Variants in FREM2 observed in about 807,000 individuals in gnomAD.
FREM2 encodes FRAS1 related extracellular matrix 2, also known as FRAS1-related extracellular matrix protein 2.
Under a neutral mutation model 219.9 loss-of-function variants are expected in FREM2, and 119 were observed. The ratio of observed to expected loss-of-function variants is 0.54; its 90% CI spans 0.47 to 0.63. The LOEUF (loss-of-function observed/expected upper bound fraction) is 0.63, where lower values mean the gene tolerates loss of function less well. Ranked by LOEUF, FREM2 falls within the 30% of genes least tolerant of loss-of-function variation. The pLI is 0.00. For missense variants in FREM2, 4,030 were observed against 3,993.6 expected (o/e 1.01, Z -0.25); for synonymous variants, 1,562 against 1,522.8 (o/e 1.03, Z -0.60).
chr13:38,821,455 G>T (rs1004214513), intron 6 of FREM2, among the ~76,000 whole-genome samples: 3 of 151,994 alleles, frequency 2.0e-5, no homozygotes, highest in Non-Finnish European at 2.9e-5. Flanking sequence ...AACTAAAAAT[G>T]CCTTCTTTCT....
intron 6 of FREM2, chr13:38,821,576 T>A (rs1876058191): frequency 6.6e-6 from 1 of 152,126 alleles, no homozygotes; most frequent in Non-Finnish European, 1.5e-5. Flanking sequence ...GAAACAGGTC[T>A]TTTTTCTGTC....
chr13:38,779,251 G>T (rs1300830632), intron 4 of FREM2, among the ~76,000 whole-genome samples: 1 of 151,946 alleles, frequency 6.6e-6, no homozygotes, highest in Admixed American at 6.6e-5. Flanking sequence ...AGGGGAGGGA[G>T]AGCATTAGGA....
At chr13:38,813,484 C>G (rs1277663375) in intron 6 of FREM2, among the ~76,000 whole-genome samples, 2 of 12,628 alleles carry the variant, frequency 1.6e-4, no homozygotes, top group African/African-American at 2.7e-4. Context: ...CTCTCTCTCT[C>G]TCTCTCTCTC....
At position 38,839,303 on chromosome 13, in the gene FREM2, C is replaced by T. The variant is rs561091944; in HGVS notation, c.6020-7270C>T. On this transcript the variant is annotated intron_variant, in intron 6 of 23. Transcript: ENST00000280481. The stretch of plus-strand genomic sequence containing the variant: ...ATCACCAGCAGAGGCTGCAGAACAG[C>T]GAAGATTGCTGCCTGCTCCTTCCTC... 6.6e-5 allele frequency among the ~76,000 whole-genome samples: 10 copies of T among 152,294 alleles called. No homozygotes were observed. The East Asian group carries it at 1.2e-3, about 18-fold the overall frequency.
At chr13:38,813,921 G>C (rs919990460) in intron 6 of FREM2, among the ~76,000 whole-genome samples, 3 of 151,620 alleles carry the variant, frequency 2.0e-5, no homozygotes, top group African/African-American at 7.3e-5. Context: ...GTATTTTCAA[G>C]TTGCCTATCT....
chr13:38,785,763 C>A (rs2137832920), intron 6 of FREM2, among the ~76,000 whole-genome samples: 1 of 152,172 alleles, frequency 6.6e-6, no homozygotes. Context: ...TTTAAAAAGA[C>A]CTTTGCATAG....
chr13:38,853,824 T>A (rs1442446452), intron 11 of FREM2, among the ~76,000 whole-genome samples: 14 of 152,158 alleles, frequency 9.2e-5, no homozygotes, highest in Admixed American at 9.2e-4. Flanking sequence ...AATGAGCAGA[T>A]TTTACATGAA....
intron 6 of FREM2, among the ~76,000 whole-genome samples, chr13:38,811,203 C>CT (rs1270841102): frequency 6.6e-6 from 1 of 151,822 alleles, no homozygotes; most frequent in South Asian, 2.1e-4. Flanking sequence ...GATCTTCTCT[C>CT]TTTTTTTCTT....
At chr13:38,722,262 G>A (rs1052631391) in intron 2 of FREM2, among the ~76,000 whole-genome samples, 1 of 152,042 alleles carries the variant, frequency 6.6e-6, no homozygotes, top group African/African-American at 2.4e-5. Flanking sequence ...GGTTCCCTCT[G>A]TTGCCCAGGC....
chr13:38,762,166 G>T (rs767234139), intron 2 of FREM2, among the ~76,000 whole-genome samples: 1 of 152,076 alleles, frequency 6.6e-6, no homozygotes, highest in Non-Finnish European at 1.5e-5. Context: ...GAAATCACAG[G>T]CGCTAATTAG....
At chr13:38,841,930 G>T (rs1318238474) in intron 6 of FREM2, among the ~76,000 whole-genome samples, 1 of 152,184 alleles carries the variant, frequency 6.6e-6, no homozygotes, top group Non-Finnish European at 1.5e-5. Context: ...AGACAATGGG[G>T]GACATACGCA....
chr13:38,769,882 CT>C, intron 4 of FREM2, 74 bp downstream of exon 4: 1 of 1,063,970 alleles, frequency 9.4e-7, no homozygotes. Context: ...AGGGGTATAG[CT>C]TACAGTTTTA....
intron 2 of FREM2, among the ~76,000 whole-genome samples, chr13:38,725,112 G>A (rs567371878): frequency 2.0e-5 from 3 of 152,342 alleles, no homozygotes; most frequent in East Asian, 1.9e-4. Flanking sequence ...CCCAGCCTAT[G>A]CTGTATAGGC....
chr13:38,864,811 GA>G (rs1298760449), intron 16 of FREM2, among the ~76,000 whole-genome samples: 29 of 144,046 alleles, frequency 2.0e-4, no homozygotes, highest in African/African-American at 8.0e-4. Flanking sequence ...CGTAGTTTTT[GA>G]CAATGGGCTA....
intron 6 of FREM2, among the ~76,000 whole-genome samples, chr13:38,840,612 G>A (rs1210958541): frequency 7.8e-6 from 1 of 128,668 alleles, no homozygotes; most frequent in African/African-American, 3.6e-5. Context: ...TTTAACCTGG[G>A]GGATAAAACT....
At chr13:38,870,719 G>T (rs532438950) in intron 16 of FREM2, among the ~76,000 whole-genome samples, 1 of 152,222 alleles carries the variant, frequency 6.6e-6, no homozygotes, top group South Asian at 2.1e-4. Flanking sequence ...GTCCAAAAAT[G>T]ATCAAGCTCT....
rs762699744 is a variant in FREM2, at chr13:38,851,751, G to A, written c.6808G>A (p.Val2270Met). The A allele has an allele frequency of 1.2e-6, 2 of 1,613,714 alleles. No individual in the cohort carries two copies. The highest frequency in any genetic ancestry group is 2.2e-5 in the South Asian group (2 of 91,078). ...TGAACCCAAAGAACCTGGAGAGTCG[G>A]TGGTTATAAGAATTCCAGTGATTCG... ...VTEPKEPGESVVIRIPVIRQG... is the reference protein window; with the variant it reads ...VTEPKEPGESMVIRIPVIRQG... Residue 2270 changes from valine (V) to methionine (M), a missense_variant, in exon 11 of 24, where the codon GTG (valine) becomes ATG (methionine). By Grantham distance (21) the Val-to-Met change is conservative. Transcript: ENST00000280481.
chr13:38,756,620 C>A (rs1034089841), intron 2 of FREM2, among the ~76,000 whole-genome samples: 1 of 149,774 alleles, frequency 6.7e-6, no homozygotes, highest in Non-Finnish European at 1.5e-5. Flanking sequence ...CTCTGCCTCC[C>A]AGGTTCAAGC....
Position 38,815,182 on chromosome 13 carries a change from A to G in FREM2, c.6019+30374A>G, listed in dbSNP as rs114350184. Among the ~76,000 whole-genome samples the G allele has an allele frequency of 7.9e-3, 1,201 of 152,208 alleles. 12 individuals carry two copies. The highest frequency in any genetic ancestry group is 0.027 in the African/African-American group (1,129 of 41,542). Reference sequence around the variant, plus strand: ...AAATGGTATAGCCTTCTATTCCACAATCTTGCTCTACTTCCCATGAATTGT... The same window carrying G: ...AAATGGTATAGCCTTCTATTCCACAGTCTTGCTCTACTTCCCATGAATTGT... On this transcript the variant is annotated intron_variant, in intron 6 of 23. Transcript: ENST00000280481.
Sources: allele counts gnomAD v4.1 joint callset (sites outside exome capture counted in the v4.1 genomes callset), GRCh38; gene constraint gnomAD v4.1.1; transcripts MANE v1.5; gene names NCBI Gene and HGNC (gene_info 2026-07-23, HGNC 2026-07-21).